Variants in GABRB3 observed in about 807,000 individuals in gnomAD.
GABRB3 encodes the protein gamma-aminobutyric acid receptor subunit beta-3.
In GABRB3, 14 loss-of-function variants were observed where a neutral mutation model predicts 52.1. That is an observed-to-expected ratio of 0.27 (90% CI 0.18 to 0.42). GABRB3 has a LOEUF of 0.42. Among genes scored for constraint, GABRB3 ranks in the 10% least tolerant of loss-of-function variants. The pLI, the probability that GABRB3 is intolerant of heterozygous loss-of-function variation, is 1.00. For missense variants in GABRB3, 307 were observed against 609.1 expected, an observed-to-expected ratio of 0.50 and a Z score of 5.22; for synonymous variants, 260 against 232.3, an observed-to-expected ratio of 1.12 and a Z score of -1.08.
chr15:26,646,396 A>AT (rs1595506402), intron 3 of GABRB3, among the ~76,000 whole-genome samples: 1 of 152,134 alleles, frequency 6.6e-6, no homozygotes, highest in South Asian at 2.1e-4. Flanking sequence ...TCAGTGTTTC[A>AT]TTTCTTTTTA....
At position 26,634,909 on chromosome 15, in the gene GABRB3, A is replaced by C. The variant is rs542529073; in HGVS notation, c.241-13375T>G. Among the ~76,000 whole-genome samples the C allele has an allele frequency of 6.1e-4, 32 of 52,824 alleles. 1 individual carries two copies. The highest frequency in any genetic ancestry group is 1.3e-3 in the Admixed American group (8 of 6,374). The allele number at this position is 52,824 out of a possible 152,430, so 34.7% of individuals were successfully genotyped here. A position where few individuals can be genotyped will look rare whatever the true frequency, so the allele number is the denominator to read the frequency against. On this transcript the variant is annotated intron_variant, in intron 3 of 8. Coordinates refer to ENST00000311550, the MANE Select transcript of GABRB3 (RefSeq NM_000814.6). ...AGAAAAAACTTTAAAAATTATATATATCTCTCTCCAAATATTAGATAATCT... is the reference window on the plus strand; with the variant it reads ...AGAAAAAACTTTAAAAATTATATATCTCTCTCTCCAAATATTAGATAATCT...
In GABRB3 at chr15:26,627,674, T is replaced by C. The variant is rs140201476; in HGVS notation, c.241-6140A>G. On this transcript the variant is annotated intron_variant, in intron 3 of 8. Coordinates refer to ENST00000311550, the MANE Select transcript of GABRB3 (RefSeq NM_000814.6). ...ATTTCCCTGAATTTCTGGAATCTCA[T>C]GATTAAACTTGAATGAATGAGGAGT... 4.2e-3 allele frequency among the ~76,000 whole-genome samples: 645 copies of C among 152,280 alleles called. 4 individuals are homozygous for C. Among genetic ancestry groups the C allele is most frequent in the African/African-American group, 0.015 (626 of 41,546 alleles).
intron 3 of GABRB3, among the ~76,000 whole-genome samples, chr15:26,634,677 C>T (rs1892998132): frequency 6.6e-6 from 1 of 151,970 alleles, no homozygotes; most frequent in African/African-American, 2.4e-5. Flanking sequence ...AGATGCCTCA[C>T]ACTCTATAAG....
intron 4 of GABRB3, among the ~76,000 whole-genome samples, chr15:26,604,210 AGAAAT>A (rs1891694893): frequency 6.6e-6 from 1 of 152,158 alleles, no homozygotes; most frequent in Non-Finnish European, 1.5e-5. Context: ...CCTTAATCAA[AGAAAT>A]GAAAGATCTC....
In GABRB3 at chr15:26,698,013, CAAA is replaced by C. The variant is rs1396510821; in HGVS notation, c.240+74386_240+74388del. On this transcript the variant is annotated intron_variant, in intron 3 of 8. Transcript: ENST00000311550. ...CCTCCCTCATCATCTTAGAGCTGAT[CAAA>C]GGAGTCCCAGCTCATCAACTAAGCA... Among the ~76,000 whole-genome samples, 5 of 152,352 alleles carry C rather than the reference CAAA, an allele frequency of 3.3e-5. No individual in the cohort carries two copies. The South Asian group carries it at 1.0e-3, about 32-fold the overall frequency.
At chr15:26,753,555 T>G (rs1890575202) in intron 3 of GABRB3, among the ~76,000 whole-genome samples, 1 of 152,194 alleles carries the variant, frequency 6.6e-6, no homozygotes, top group African/African-American at 2.4e-5. Flanking sequence ...TTGACTTTGG[T>G]CCCAGAAACT....
intron 3 of GABRB3, among the ~76,000 whole-genome samples, chr15:26,727,423 G>T (rs1369675348): frequency 1.3e-5 from 2 of 152,048 alleles, no homozygotes; most frequent in African/African-American, 4.8e-5. Flanking sequence ...TCATTATTTT[G>T]TTGCTCAAAT....
chr15:26,645,354 T>A (rs974966745), intron 3 of GABRB3, among the ~76,000 whole-genome samples: 17 of 152,212 alleles, frequency 1.1e-4, no homozygotes, highest in Admixed American at 3.9e-4. Flanking sequence ...GATAGTGACT[T>A]GTTAACAGAA....
At chr15:26,668,840 T>C (rs180780227) in intron 3 of GABRB3, among the ~76,000 whole-genome samples, 1 of 152,310 alleles carries the variant, frequency 6.6e-6, no homozygotes, top group East Asian at 1.9e-4. Flanking sequence ...TGTAGAGGAC[T>C]ATGATTTAAG....
At chr15:26,705,816 A>G (rs1276781278) in intron 3 of GABRB3, among the ~76,000 whole-genome samples, 1 of 152,164 alleles carries the variant, frequency 6.6e-6, no homozygotes, top group Non-Finnish European at 1.5e-5. Flanking sequence ...GGGTTTTCAC[A>G]GTTCACCATA....
chr15:26,574,489 G>A (rs1890521394), intron 6 of GABRB3, among the ~76,000 whole-genome samples: 1 of 152,146 alleles, frequency 6.6e-6, no homozygotes, highest in African/African-American at 2.4e-5. Flanking sequence ...CTTATAGCTA[G>A]TAGCCCAAAG....
Position 26,547,961 on chromosome 15 carries a change from G to A in GABRB3, c.1254C>T (p.Asp418=), listed in dbSNP as rs1301820135. ...GGGTCTTCTTGTGCGGGAGGCTTCT[G>A]TCCCCCAGGAATCGCCCATGCCCTT... The part of the protein sequence containing the change: ...PREGHGRFLG[D]RSLPHKKTHL... The change falls in exon 9 of 9, where the codon GAC becomes GAT. Residue 418 remains aspartate, a synonymous_variant. Transcript: ENST00000311550. 6.2e-7 allele frequency: 1 copy of A among 1,614,078 alleles called. No homozygotes were observed. The highest frequency in any genetic ancestry group is 1.3e-5 in the African/African-American group (1 of 74,910).
At chr15:26,746,828 A>T (rs1322944421) in intron 3 of GABRB3, among the ~76,000 whole-genome samples, 1 of 152,126 alleles carries the variant, frequency 6.6e-6, no homozygotes, top group Admixed American at 6.5e-5. Flanking sequence ...TCTACTAAAA[A>T]TACAAAAAAT....
chr15:26,609,830 A>G (rs1161716294), intron 4 of GABRB3, among the ~76,000 whole-genome samples: 3 of 152,220 alleles, frequency 2.0e-5, no homozygotes, highest in Non-Finnish European at 2.9e-5. Flanking sequence ...TAGCTAGATA[A>G]ATACGTTAAC....
intron 4 of GABRB3, among the ~76,000 whole-genome samples, chr15:26,594,939 C>G (rs1395116685): frequency 1.3e-5 from 2 of 152,250 alleles, no homozygotes; most frequent in African/African-American, 4.8e-5. Flanking sequence ...CTAGGGCACA[C>G]TTTCCTCTAA....
intron 3 of GABRB3, among the ~76,000 whole-genome samples, chr15:26,671,513 G>C (rs1006804440): frequency 6.6e-6 from 1 of 152,184 alleles, no homozygotes; most frequent in East Asian, 1.9e-4. Context: ...CTGGGTGAGG[G>C]CTTCCCGTTT....
At chr15:26,666,536 G>A (rs1006252878) in intron 3 of GABRB3, 11 of 152,190 alleles carry the variant, frequency 7.2e-5, no homozygotes, top group Non-Finnish European at 1.6e-4. Context: ...GGTGAACATG[G>A]AAGGATACGA....
At chr15:26,737,975 G>A (rs1046060053) in intron 3 of GABRB3, among the ~76,000 whole-genome samples, 12 of 152,166 alleles carry the variant, frequency 7.9e-5, no homozygotes, top group African/African-American at 2.7e-4. Context: ...CTAAGTTCCT[G>A]AATGTTTCTG....
intron 5 of GABRB3, chr15:26,581,123 C>T (rs1890772345): frequency 5.9e-6 from 1 of 168,178 alleles, no homozygotes; most frequent in South Asian, 1.5e-4. Flanking sequence ...GCACAGTGCT[C>T]ATATTTACAG....
Sources: gnomAD v4.1 joint callset for allele counts (sites outside exome capture counted in the v4.1 genomes callset) on GRCh38, gnomAD v4.1.1 for gene constraint, MANE v1.5 for transcripts, NCBI Gene and HGNC (gene_info 2026-07-23, HGNC 2026-07-21) for gene names.